RHOBTB1: variants seen among roughly 807,000 people sequenced by gnomAD.
RHOBTB1 encodes rho-related BTB domain-containing protein 1.
In RHOBTB1, 40 loss-of-function variants were observed where a neutral mutation model predicts 71.6. That is an observed-to-expected ratio of 0.56 (90% CI 0.43 to 0.73). The LOEUF (loss-of-function observed/expected upper bound fraction) is 0.73, where lower values mean the gene tolerates loss of function less well. RHOBTB1 is among the 30% of genes least tolerant of loss of function. The pLI is 0.00. For missense variants in RHOBTB1, 797 were observed against 894.0 expected (o/e 0.89, Z 1.38); for synonymous variants, 319 against 334.9 (o/e 0.95, Z 0.52).
intron 4 of RHOBTB1, among the ~76,000 whole-genome samples, chr10:60,909,848 C>A (rs1483206328): frequency 6.6e-6 from 1 of 152,182 alleles, no homozygotes; most frequent in Non-Finnish European, 1.5e-5. Flanking sequence ...GTCACAGATT[C>A]TTTCAGTGTG....
intron 2 of RHOBTB1, among the ~76,000 whole-genome samples, chr10:60,969,389 T>G (rs2086076895): frequency 6.6e-6 from 1 of 152,076 alleles, no homozygotes; most frequent in Non-Finnish European, 1.5e-5. Flanking sequence ...TTTATCCTGT[T>G]TTTGCAATAC....
upstream of RHOBTB1, among the ~76,000 whole-genome samples, chr10:60,946,287 A>C (rs1394353192): frequency 2.0e-5 from 3 of 152,168 alleles, no homozygotes; most frequent in Non-Finnish European, 4.4e-5. Flanking sequence ...TCTTGGGAAA[A>C]GTTAATTAAC....
downstream of RHOBTB1, among the ~76,000 whole-genome samples, chr10:60,867,870 A>G (rs181648135): frequency 6.6e-6 from 1 of 152,338 alleles, no homozygotes; most frequent in Admixed American, 6.5e-5. Flanking sequence ...TTCATGATGC[A>G]TATATCACCT....
intron 4 of RHOBTB1, among the ~76,000 whole-genome samples, chr10:60,909,921 T>C (rs868159985): frequency 6.6e-6 from 1 of 152,206 alleles, no homozygotes; most frequent in African/African-American, 2.4e-5. Flanking sequence ...TTAGGCCACT[T>C]AGATAAATGA....
At chr10:60,908,433 T>C (rs1268579469) in intron 4 of RHOBTB1, among the ~76,000 whole-genome samples, 1 of 152,172 alleles carries the variant, frequency 6.6e-6, no homozygotes, top group Non-Finnish European at 1.5e-5. Context: ...GAACTGTAAT[T>C]CTCACTAAGT....
At chr10:60,972,806 T>TACTGCTAAATCAA (rs1464562607) in intron 2 of RHOBTB1, among the ~76,000 whole-genome samples, 12 of 152,210 alleles carry the variant, frequency 7.9e-5, no homozygotes, top group African/African-American at 2.9e-4. Flanking sequence ...TTAATCTAAC[T>TACTGCTAAATCAA]ACTGCTAAAT....
chr10:60,964,899 T>A (rs1025394177), intron 2 of RHOBTB1, among the ~76,000 whole-genome samples: 1 of 152,122 alleles, frequency 6.6e-6, no homozygotes, highest in Non-Finnish European at 1.5e-5. Context: ...TCTAATGTAA[T>A]CCTACCTTAT....
chr10:60,920,335 A>AG (rs1433292421), intron 2 of RHOBTB1, among the ~76,000 whole-genome samples: 2 of 152,154 alleles, frequency 1.3e-5, no homozygotes, highest in African/African-American at 4.8e-5. Context: ...AAGGATGTCG[A>AG]GAAAAAATAA....
intron 6 of RHOBTB1, 137 bp from the exon 7 acceptor site, chr10:60,886,367 TCC>T: frequency 1.6e-6 from 1 of 632,200 alleles, no homozygotes; most frequent in Non-Finnish European, 2.8e-6. Context: ...TTTATGTCAA[TCC>T]CCATCTTTGA....
At chr10:60,893,726 A>C (rs563428937) in intron 4 of RHOBTB1, among the ~76,000 whole-genome samples, 20 of 152,374 alleles carry the variant, frequency 1.3e-4, no homozygotes, top group African/African-American at 4.8e-4. Context: ...ATATGGGGAA[A>C]AGAAAAACTG....
At chr10:60,886,973 A>G (rs888085715) in intron 6 of RHOBTB1, among the ~76,000 whole-genome samples, 1 of 151,888 alleles carries the variant, frequency 6.6e-6, no homozygotes, top group Non-Finnish European at 1.5e-5. Context: ...TAACCATACT[A>G]TGATTACACC....
chr10:60,875,697 T>A (rs2081019015), intron 8 of RHOBTB1, among the ~76,000 whole-genome samples: 1 of 152,222 alleles, frequency 6.6e-6, no homozygotes, highest in South Asian at 2.1e-4. Context: ...GGATAACATA[T>A]TGTTCAGCCT....
intron 2 of RHOBTB1, among the ~76,000 whole-genome samples, chr10:60,983,270 T>C (rs1565189327): frequency 6.6e-6 from 1 of 152,206 alleles, no homozygotes; most frequent in Non-Finnish European, 1.5e-5. Flanking sequence ...GAAAATGATA[T>C]CTTCTTAGGA....
chr10:60,918,190 C>T (rs182985836), intron 2 of RHOBTB1, among the ~76,000 whole-genome samples: 2 of 152,236 alleles, frequency 1.3e-5, no homozygotes, highest in Admixed American at 1.3e-4. Flanking sequence ...TCTTGACTAC[C>T]CCTCTGGTCC....
intron 2 of RHOBTB1, among the ~76,000 whole-genome samples, chr10:60,937,724 G>C (rs2084670012): frequency 6.6e-6 from 1 of 152,172 alleles, no homozygotes; most frequent in African/African-American, 2.4e-5. Context: ...CACTCGGCCT[G>C]TTGTGTTCAA....
chr10:60,928,084 T>C (rs2083997701), intron 2 of RHOBTB1, among the ~76,000 whole-genome samples: 1 of 152,150 alleles, frequency 6.6e-6, no homozygotes. Context: ...TCAACATCAT[T>C]CGTCATCAGA....
intron 1 of RHOBTB1, among the ~76,000 whole-genome samples, chr10:60,987,970 G>C (rs565880594): frequency 9.7e-6 from 1 of 103,354 alleles, no homozygotes; most frequent in Non-Finnish European, 1.8e-5. Context: ...GTCTCGCTCT[G>C]TCCCCCAGGA....
chr10:60,910,748 TCC>T, intron 4 of RHOBTB1, 137 bp downstream of exon 4: 14 of 585,440 alleles, frequency 2.4e-5, no homozygotes, highest in Non-Finnish European at 3.3e-5. Flanking sequence ...TTTTTTCTTT[TCC>T]TTTTCTTAGA....
intron 2 of RHOBTB1, among the ~76,000 whole-genome samples, chr10:60,972,465 C>T (rs995662345): frequency 5.3e-5 from 8 of 152,018 alleles, no homozygotes; most frequent in African/African-American, 1.9e-4. Context: ...TGTTCTCACT[C>T]ATAAGTAGGA....
Sources: gnomAD v4.1 joint callset for allele counts (sites outside exome capture counted in the v4.1 genomes callset) on GRCh38, gnomAD v4.1.1 for gene constraint, MANE v1.5 for transcripts, NCBI Gene and HGNC (gene_info 2026-07-23, HGNC 2026-07-21) for gene names.